PREX1: variants seen among roughly 807,000 people sequenced by gnomAD.
PREX1 encodes phosphatidylinositol-3,4,5-trisphosphate dependent Rac exchange factor 1.
Under a neutral mutation model 198.3 loss-of-function variants are expected in PREX1, and 41 were observed. That is an observed-to-expected ratio of 0.21 (90% CI 0.16 to 0.27). The LOEUF (loss-of-function observed/expected upper bound fraction) is 0.27, where lower values mean the gene tolerates loss of function less well. PREX1 is among the 10% of genes least tolerant of loss of function. The pLI is 1.00. For synonymous variants in PREX1, 843 were observed against 887.2 expected (o/e 0.95, Z 0.89); for missense variants, 1,620 against 2,200.7 (o/e 0.74, Z 5.28).
chr20:48,748,889 T>G (rs1257505773), intron 1 of PREX1, among the ~76,000 whole-genome samples: 2 of 152,138 alleles, frequency 1.3e-5, no homozygotes, highest in African/African-American at 2.4e-5. Context: ...CTCCCAGTTT[T>G]GAAGTGTTGG....
At chr20:48,669,672 A>G (rs1009498155) in intron 14 of PREX1, among the ~76,000 whole-genome samples, 99 of 152,096 alleles carry the variant, frequency 6.5e-4, no homozygotes, top group African/African-American at 2.3e-3. Context: ...CTCTGTCTAT[A>G]GTGGTGGGGA....
chr20:48,685,521 G>A (rs4810860), intron 10 of PREX1, among the ~76,000 whole-genome samples: 55,093 of 151,990 alleles, frequency 0.36, 12,122 homozygotes, highest in African/African-American at 0.62. Context: ...TTAACTGATC[G>A]TTCACTGAGG....
chr20:48,655,253 C>G (rs1261465765), intron 19 of PREX1, 37 bp downstream of exon 19: 7 of 1,492,010 alleles, frequency 4.7e-6, no homozygotes, highest in Non-Finnish European at 2.8e-6. Flanking sequence ...CCACCATCTT[C>G]TGCACCTTTC....
In PREX1 at chr20:48,632,401, G is replaced by A; in HGVS notation, c.4412-10C>T. On this transcript the variant is annotated splice_polypyrimidine_tract_variant and intron_variant, in intron 34 of 39. Transcript: ENST00000371941. The stretch of plus-strand genomic sequence containing the variant: ...TCCACGTTCTCCAGCACTGGGAGGG[G>A]AGATGTCGGGGGCGGGCAGGCGGTT... The A allele has an allele frequency of 6.2e-7, 1 of 1,613,574 alleles. No individual in the cohort carries two copies. The highest frequency in any genetic ancestry group is 8.5e-7 in the Non-Finnish European group (1 of 1,179,890).
At chr20:48,734,723 C>G in intron 3 of PREX1, 73 bp from the exon 4 acceptor site, 1 of 1,350,912 alleles carries the variant, frequency 7.4e-7, no homozygotes, top group Non-Finnish European at 1.1e-6. Flanking sequence ...ATGCTGACCA[C>G]TGGGCTGGTA....
intron 1 of PREX1, among the ~76,000 whole-genome samples, chr20:48,749,218 G>A (rs1257710115): frequency 2.0e-5 from 3 of 152,184 alleles, no homozygotes; most frequent in African/African-American, 7.2e-5. Flanking sequence ...AGGCTAACCT[G>A]GAAGCAGCCA....
intron 33 of PREX1, 118 bp downstream of exon 33, chr20:48,634,558 T>C (rs1259872223): frequency 4.1e-6 from 4 of 971,860 alleles, no homozygotes; most frequent in East Asian, 2.6e-5. Flanking sequence ...CACTGAGTAC[T>C]GAGCCCACCT....
chr20:48,699,848 C>G (rs1180859674), intron 7 of PREX1, among the ~76,000 whole-genome samples: 1 of 152,196 alleles, frequency 6.6e-6, no homozygotes, highest in Non-Finnish European at 1.5e-5. Flanking sequence ...CACATGCCCC[C>G]AGCTTTCCAT....
intron 1 of PREX1, among the ~76,000 whole-genome samples, chr20:48,814,116 G>A (rs868341218): frequency 9.2e-5 from 14 of 152,178 alleles, no homozygotes; most frequent in Non-Finnish European, 1.8e-4. Flanking sequence ...GCCCCTACAC[G>A]TGGGTTCATG....
In PREX1 at chr20:48,666,178, G is replaced by T; in HGVS notation, c.1738+105C>A. The T allele has an allele frequency of 8.5e-7, 1 of 1,180,340 alleles. No individual in the cohort carries two copies. Among genetic ancestry groups the T allele is most frequent in the Non-Finnish European group, 1.2e-6 (1 of 829,862 alleles). The allele number at this position is 1,180,340 out of a possible 1,614,324, so 73.1% of individuals were successfully genotyped here. A position where few individuals can be genotyped will look rare whatever the true frequency, so the allele number is the denominator to read the frequency against. ...TCGTGAGCCTCCCCAAACCCCCGGGGGTCTAGAGAGCCACAGACCTGGCTT... is the reference window on the plus strand; with the variant it reads ...TCGTGAGCCTCCCCAAACCCCCGGGTGTCTAGAGAGCCACAGACCTGGCTT... On this transcript the variant is annotated intron_variant, in intron 15 of 39. Transcript: ENST00000371941. This position sits in a 1 kb window ranked among gnomAD's most constrained non-coding sequence, Gnocchi z 4.3.
intron 15 of PREX1, among the ~76,000 whole-genome samples, chr20:48,661,445 ATAT>A (rs1250696893): frequency 1.9e-5 from 1 of 53,150 alleles, no homozygotes; most frequent in African/African-American, 1.3e-4. Context: ...AAAAAAAAAA[ATAT>A]ATATATATAT....
chr20:48,817,854 C>T (rs2090465494), intron 1 of PREX1, among the ~76,000 whole-genome samples: 2 of 152,238 alleles, frequency 1.3e-5, no homozygotes, highest in Non-Finnish European at 2.9e-5. Context: ...ATGTAGCAGG[C>T]ATTGTTGGTG....
At chr20:48,657,715 CCAGG>C (rs2089556321) in intron 17 of PREX1, among the ~76,000 whole-genome samples, 1 of 152,232 alleles carries the variant, frequency 6.6e-6, no homozygotes, top group African/African-American at 2.4e-5. Flanking sequence ...TGCACACGCC[CCAGG>C]CAAAGCCGGA....
rs562591548 is a variant in PREX1, at chr20:48,692,613, A to T, written c.1036+59T>A. ...AAATATATTTAAATGAAACAGAGAG[A>T]GTGCCAGGGAGCAGGCAGGGCTCAG... is the stretch of plus-strand genomic sequence containing the variant. On this transcript the variant is annotated intron_variant, in intron 8 of 39. Coordinates refer to ENST00000371941, the MANE Select transcript of PREX1 (RefSeq NM_020820.4). 4.4e-4 allele frequency: 571 copies of T among 1,298,798 alleles called. 2 individuals are homozygous for T. The African/African-American group carries it at 7.7e-3, about 17-fold the overall frequency. 80.5% of individuals were successfully genotyped at this position (1,298,798 alleles called of 1,614,324 possible). A position where few individuals can be genotyped will look rare whatever the true frequency, so the allele number is the denominator to read the frequency against.
At chr20:48,811,826 C>T (rs1279714965) in intron 1 of PREX1, among the ~76,000 whole-genome samples, 6 of 152,242 alleles carry the variant, frequency 3.9e-5, no homozygotes, top group Non-Finnish European at 7.3e-5. Flanking sequence ...ATTCATCCAA[C>T]TCATTTGGAT....
the PREX1 span, among the ~76,000 whole-genome samples, chr20:48,875,893 G>C: frequency 5.6e-4 from 86 of 152,322 alleles, no homozygotes; most frequent in African/African-American, 1.9e-3. Context: ...GTGTGGAGAA[G>C]AGACTGGGAA....
intron 38 of PREX1, 32 bp downstream of exon 38, chr20:48,627,829 T>C: frequency 6.3e-7 from 1 of 1,592,762 alleles, no homozygotes; most frequent in Non-Finnish European, 8.6e-7. Context: ...CAGCCCAGGG[T>C]GCTGGAGGAC....
chr20:48,626,188 T>C (rs994125618), intron 39 of PREX1, among the ~76,000 whole-genome samples: 1 of 152,224 alleles, frequency 6.6e-6, no homozygotes, highest in Non-Finnish European at 1.5e-5. Context: ...CGTTCAGCCA[T>C]GTGGGGGTGG....
At chr20:48,777,744 C>G (rs939579850) in intron 1 of PREX1, among the ~76,000 whole-genome samples, 1 of 152,208 alleles carries the variant, frequency 6.6e-6, no homozygotes, top group Non-Finnish European at 1.5e-5. Flanking sequence ...GGCATAACGA[C>G]AGCAGTACTC....
Sources: allele counts gnomAD v4.1 joint callset (sites outside exome capture counted in the v4.1 genomes callset), GRCh38; gene constraint gnomAD v4.1.1; non-coding constraint Gnocchi (gnomAD v3.1); transcripts MANE v1.5; gene names NCBI Gene and HGNC (gene_info 2026-07-23, HGNC 2026-07-21).